EPHB6: variants seen among roughly 807,000 people sequenced by gnomAD.
EPHB6 encodes ephrin type-B receptor 6.
A neutral mutation model predicts 107.0 loss-of-function variants in EPHB6; 51 were observed. That is an observed-to-expected ratio of 0.48 (90% CI 0.38 to 0.60). The LOEUF is 0.60. Among genes scored for constraint, EPHB6 ranks in the 20% least tolerant of loss-of-function variants. The probability of loss-of-function intolerance (pLI) is 0.00; values close to 1 mark genes in which losing one functional copy is unlikely to be tolerated. For missense variants in EPHB6, 1,141 were observed against 1,355.5 expected (o/e 0.84, Z 2.48); for synonymous variants, 553 against 549.0 (o/e 1.01, Z -0.10).
chr7:142,868,271 C>G lies in EPHB6; in HGVS notation c.1949C>G (p.Ser650Cys). The change falls in exon 14 of 20, where the codon TCC becomes TGC. Residue 650 changes from serine to cysteine, a missense_variant. Ser to Cys is a moderately radical substitution (Grantham distance 112). This residue lies in a region of EPHB6 where 616 missense variants were observed against 759.3 expected (regional missense o/e 0.81). Transcript: ENST00000652003. The surrounding 1 kb of genome is among the most constrained non-coding windows in gnomAD (Gnocchi z 4.2). ...GLGVKYYIDP[S>C]TYEDPCQAIR... ...GGGGTGAAGTATTACATCGACCCCTCCACCTACGAGGACCCCTGTCAGGCC... is the reference window on the plus strand; with the variant it reads ...GGGGTGAAGTATTACATCGACCCCTGCACCTACGAGGACCCCTGTCAGGCC... The G allele has an allele frequency of 6.2e-7, 1 of 1,614,172 alleles. No individual in the cohort carries two copies. The highest frequency in any genetic ancestry group is 8.5e-7 in the Non-Finnish European group (1 of 1,180,026).
rs200646949 is a variant in EPHB6, at chr7:142,866,595, A to G, written c.1577A>G (p.Tyr526Cys). 6.2e-7 allele frequency: 1 copy of G among 1,613,960 alleles called. No individual in the cohort carries two copies. Among genetic ancestry groups the G allele is most frequent in the Non-Finnish European group, 8.5e-7 (1 of 1,180,042 alleles). ...NGNILDYQLRYYDQAEDESHS... is the reference protein window; with the variant it reads ...NGNILDYQLRCYDQAEDESHS... The stretch of plus-strand genomic sequence containing the variant: ...AACATCCTGGACTATCAGCTCCGCT[A>G]CTATGACCAGGTGCGCAGGAGGAGT... The change falls in exon 10 of 20, where the codon TAC becomes TGC. Residue 526 changes from tyrosine (Y) to cysteine (C), a missense_variant. Tyr to Cys is a radical substitution (Grantham distance 194). Coordinates refer to ENST00000652003, the MANE Select transcript of EPHB6 (RefSeq NM_004445.6). This position sits in a 1 kb window ranked among gnomAD's most constrained non-coding sequence, Gnocchi z 5.2.
In EPHB6 at chr7:142,868,513, A is replaced by G. The variant is rs1252130283; in HGVS notation, c.2060A>G (p.Gln687Arg). The G allele has an allele frequency of 1.9e-6, 3 of 1,613,822 alleles. No individual in the cohort carries two copies. Among genetic ancestry groups the G allele is most frequent in the Non-Finnish European group, 2.5e-6 (3 of 1,180,026 alleles). Reference sequence around the variant, plus strand: ...CCAGGCTCTTTTGGAGAAGTGCGCCAGGGCCGCCTGCAGCCACGGGGACGG... The same window carrying G: ...CCAGGCTCTTTTGGAGAAGTGCGCCGGGGCCGCCTGCAGCCACGGGGACGG... ...IGTGSFGEVRQGRLQPRGRRE... is the reference protein window; with the variant it reads ...IGTGSFGEVRRGRLQPRGRRE... Residue 687 changes from glutamine (Q) to arginine (R), a missense_variant, in exon 15 of 20, where the codon CAG becomes CGG. Around this residue, in one of 3 missense-constraint regions of EPHB6, gnomAD observed 616 missense variants for 759.3 expected, o/e 0.81. Coordinates refer to ENST00000652003, the MANE Select transcript of EPHB6 (RefSeq NM_004445.6). The surrounding 1 kb of genome is among the most constrained non-coding windows in gnomAD (Gnocchi z 4.2).
intron 2 of EPHB6, among the ~76,000 whole-genome samples, chr7:142,861,684 T>G (rs1384218788): frequency 1.3e-5 from 2 of 152,226 alleles, no homozygotes; most frequent in Admixed American, 6.5e-5. Flanking sequence ...TACTATAATT[T>G]TACTGTCTTC....
intron 1 of EPHB6, among the ~76,000 whole-genome samples, chr7:142,858,602 ATT>A (rs58084930): frequency 3.8e-5 from 5 of 130,074 alleles, no homozygotes; most frequent in African/African-American, 1.4e-4. Context: ...CGCCCAGCTA[ATT>A]TTTTTTTTTT....
At position 142,866,624 on chromosome 7, in the gene EPHB6, G is replaced by A; in HGVS notation, c.1587+19G>A. On this transcript the variant is annotated intron_variant, in intron 10 of 19. Transcript: ENST00000652003. This position sits in a 1 kb window ranked among gnomAD's most constrained non-coding sequence, Gnocchi z 5.2. ...TGACCAGGTGCGCAGGAGGAGTGGG[G>A]GTTCCGCAGTAGGGCTGGTAGGAGC... 4 of 1,613,884 alleles carry A rather than the reference G, an allele frequency of 2.5e-6. No individual in the cohort carries two copies. The highest frequency in any genetic ancestry group is 3.4e-6 in the Non-Finnish European group (4 of 1,180,030).
Position 142,859,287 on chromosome 7 carries a change from A to G in EPHB6, c.-431-1765A>G, listed in dbSNP as rs1051253994. Among the ~76,000 whole-genome samples, 4 of 152,226 alleles carry G rather than the reference A, an allele frequency of 2.6e-5. No individual in the cohort carries two copies. The East Asian group carries it at 7.7e-4, about 29-fold the overall frequency. ...GTCCCTGGGATGCTCTCCTGGACCAAATGCAGAAGATGCTCCATGCCCACA... is the reference window on the plus strand; with the variant it reads ...GTCCCTGGGATGCTCTCCTGGACCAGATGCAGAAGATGCTCCATGCCCACA... On this transcript the variant is annotated intron_variant, in intron 1 of 19. Transcript: ENST00000652003.
chr7:142,857,073 G>A (rs559884428), intron 1 of EPHB6, among the ~76,000 whole-genome samples: 15 of 152,286 alleles, frequency 9.8e-5, no homozygotes, highest in East Asian at 5.8e-4. Context: ...CCAGAGCCAC[G>A]CATGTCCCCG....
chr7:142,855,926 A>G lies in EPHB6; in HGVS notation c.-432+541A>G, dbSNP rs1460593861. On this transcript the variant is annotated intron_variant, in intron 1 of 19. Coordinates refer to ENST00000652003, the MANE Select transcript of EPHB6 (RefSeq NM_004445.6). This position sits in a 1 kb window ranked among gnomAD's most constrained non-coding sequence, Gnocchi z 4.2. ...GCCCAGCCATCACCCCCAACGTGCA[A>G]CCAAATTCTATTGCGTGCTCCTGCC... 1.3e-5 allele frequency among the ~76,000 whole-genome samples: 2 copies of G among 152,098 alleles called. No individual in the cohort carries two copies. Among genetic ancestry groups the G allele is most frequent in the African/African-American group, 4.8e-5 (2 of 41,428 alleles).
chr7:142,863,873 C>A, intron 6 of EPHB6, 93 bp from the exon 7 acceptor site: 1 of 1,563,456 alleles, frequency 6.4e-7, no homozygotes, highest in Non-Finnish European at 8.8e-7. Context: ...AATTTTAAGT[C>A]TCAGTGGAAG....
rs762398312 is a variant in EPHB6 at position 142,865,534 on chromosome 7, G to T, written c.1009G>T (p.Ala337Ser). The T allele has an allele frequency of 1.2e-6, 2 of 1,613,330 alleles. No individual in the cohort carries two copies. Among genetic ancestry groups the T allele is most frequent in the Non-Finnish European group, 1.7e-6 (2 of 1,179,860 alleles). Residue 337 changes from alanine (A) to serine (S), a missense_variant, in exon 8 of 20, where the codon GCC (alanine) becomes TCC (serine). By Grantham distance (99) the Ala-to-Ser change is moderately conservative. Coordinates refer to ENST00000652003, the MANE Select transcript of EPHB6 (RefSeq NM_004445.6). ...AGNAPCSPCP[A>S]RSHAPNPAAP... ...GAATGCTCCCTGCTCACCATGCCCT[G>T]CCCGCAGTCACGCTCCCAACCCAGC...
chr7:142,864,500 C>T lies in EPHB6; in HGVS notation c.700C>T (p.Pro234Ser), dbSNP rs1803037584. 1 of 1,613,492 alleles carries T rather than the reference C, an allele frequency of 6.2e-7. No individual in the cohort carries two copies. Among genetic ancestry groups the T allele is most frequent in the Non-Finnish European group, 8.5e-7 (1 of 1,180,022 alleles). Residue 234 changes from proline (P) to serine (S), a missense_variant, in exon 7 of 20, where the codon CCT becomes TCT. Transcript: ENST00000652003. ...TGTCAGGCTCTTCTCCTACACCTGC[C>T]CTGCCGTGCTCCGATCCTTTGCTTC... ...VAVRLFSYTCPAVLRSFASFP... is the reference protein window; with the variant it reads ...VAVRLFSYTCSAVLRSFASFP...
chr7:142,863,490 AC>A (rs1802947994), intron 5 of EPHB6, 140 bp from the exon 6 acceptor site: 8 of 1,212,800 alleles, frequency 6.6e-6, no homozygotes, highest in Non-Finnish European at 9.7e-6. Context: ...CAGAGAAAGG[AC>A]CCTGATGGAC....
rs1256801277 is a variant in EPHB6, at chr7:142,869,954, G to A, written c.2598G>A (p.Met866Ile). ...ATGGAGAACGGCCTTACTGGGACAT[G>A]AGTGAGCAGGAGGTGAGCACTGACC... ...MSYGERPYWD[M>I]SEQEVLNAIE... is the part of the protein sequence containing the mutation. Residue 866 changes from methionine (M) to isoleucine (I), a missense_variant, in exon 17 of 20, where the codon ATG becomes ATA. Met to Ile is a conservative substitution (Grantham distance 10). Around this residue, in one of 3 missense-constraint regions of EPHB6, gnomAD observed 616 missense variants for 759.3 expected, o/e 0.81. Coordinates refer to ENST00000652003, the MANE Select transcript of EPHB6 (RefSeq NM_004445.6). This position sits in a 1 kb window ranked among gnomAD's most constrained non-coding sequence, Gnocchi z 4.5. The A allele has an allele frequency of 1.2e-6, 2 of 1,614,188 alleles. No individual in the cohort carries two copies. Among genetic ancestry groups the A allele is most frequent in the Admixed American group, 1.7e-5 (1 of 60,028 alleles).
In EPHB6 at chr7:142,864,307, C is replaced by CTCA. The variant is rs1554520415; in HGVS notation, c.509_510insATC (p.Ser177dup). The CTCA allele has an allele frequency of 6.2e-7, 1 of 1,612,934 alleles. No individual in the cohort carries two copies. The highest frequency in any genetic ancestry group is 1.3e-5 in the African/African-American group (1 of 75,050). On this transcript the variant is annotated inframe_insertion, in exon 7 of 20. Coordinates refer to ENST00000652003, the MANE Select transcript of EPHB6 (RefSeq NM_004445.6). ...ACGAGAGCTTTCCCTCCTCCTCCTC[C>CTCA]TCCTCCTCCTCCTCTTCTTCCTCTG...
chr7:142,870,248 C>T lies in EPHB6; in HGVS notation c.2645C>T (p.Pro882Leu), dbSNP rs1381991149. ...GCAATAGAGCAGGAGTTCCGGCTGC[C>T]CCCGCCTCCAGGCTGTCCTCCTGGA... ...LNAIEQEFRL[P>L]PPPGCPPGLH... is the part of the protein sequence containing the mutation. Residue 882 changes from proline to leucine, a missense_variant, in exon 18 of 20, where the codon CCC (proline) becomes CTC (leucine). Physicochemically the swap from Pro to Leu is moderately conservative, Grantham distance 98 (BLOSUM62 -3). Around this residue, in one of 3 missense-constraint regions of EPHB6, gnomAD observed 616 missense variants for 759.3 expected, o/e 0.81. Coordinates refer to ENST00000652003, the MANE Select transcript of EPHB6 (RefSeq NM_004445.6). The T allele has an allele frequency of 6.2e-7, 1 of 1,614,224 alleles. No homozygotes were observed. Among genetic ancestry groups the T allele is most frequent in the South Asian group, 1.1e-5 (1 of 91,090 alleles).
rs188000774 is a variant in EPHB6 at position 142,865,000 on chromosome 7, G to A, written c.949+251G>A. On this transcript the variant is annotated intron_variant, in intron 7 of 19. Coordinates refer to ENST00000652003, the MANE Select transcript of EPHB6 (RefSeq NM_004445.6). Reference sequence around the variant, plus strand: ...TGCCTTCTCCTAAGTCTTCAGGCCTGAGAAGCGATGGAGACCAAAAGGAGT... The same window carrying A: ...TGCCTTCTCCTAAGTCTTCAGGCCTAAGAAGCGATGGAGACCAAAAGGAGT... Among the ~76,000 whole-genome samples, 11 of 152,360 alleles carry A rather than the reference G, an allele frequency of 7.2e-5. No individual in the cohort carries two copies. In the South Asian group the frequency reaches 1.2e-3, roughly 17 times the overall value.
chr7:142,870,787 C>A lies in EPHB6; in HGVS notation c.2961-9C>A, dbSNP rs1445045645. ...CTGGCCCAGATTTGATCCCTTCCCT[C>A]CCCACCAGAGACCTGCCTGCCCTGG... On this transcript the variant is annotated splice_polypyrimidine_tract_variant and intron_variant, in intron 19 of 19. Transcript: ENST00000652003. 1 of 1,614,188 alleles carries A rather than the reference C, an allele frequency of 6.2e-7. No homozygotes were observed. Among genetic ancestry groups the A allele is most frequent in the Non-Finnish European group, 8.5e-7 (1 of 1,180,000 alleles).
At chr7:142,856,023 ATCTTGGCCG>A (rs1343764574) in intron 1 of EPHB6, among the ~76,000 whole-genome samples, 1 of 151,844 alleles carries the variant, frequency 6.6e-6, no homozygotes, top group East Asian at 1.9e-4. Context: ...CCACCCACCG[ATCTTGGCCG>A]TCTGGCACCC....
Position 142,866,408 on chromosome 7 carries a change from C to T in EPHB6, c.1463-73C>T, listed in dbSNP as rs1794598851. On this transcript the variant is annotated intron_variant, in intron 9 of 19. Transcript: ENST00000652003. The surrounding 1 kb of genome is among the most constrained non-coding windows in gnomAD (Gnocchi z 5.2). ...TGATCTCCAGCCTGGTCCACCCCTG[C>T]CGCCCTCCCCTCAAGGCTGATCCTG... is the stretch of plus-strand genomic sequence containing the variant. 4 of 1,612,056 alleles carry T rather than the reference C, an allele frequency of 2.5e-6. No homozygotes were observed. The highest frequency in any genetic ancestry group is 4.5e-5 in the East Asian group (2 of 44,876).
Sources: allele counts gnomAD v4.1 joint callset (sites outside exome capture counted in the v4.1 genomes callset), GRCh38; gene constraint gnomAD v4.1.1; regional missense constraint gnomAD v4.1.1; non-coding constraint Gnocchi (gnomAD v3.1); transcripts MANE v1.5; gene names NCBI Gene and HGNC (gene_info 2026-07-23, HGNC 2026-07-21).